Variants in TNNI3K observed in about 807,000 individuals in gnomAD.
TNNI3K encodes TNNI3 interacting kinase, also known as serine/threonine-protein kinase TNNI3K.
Under a neutral mutation model 114.5 loss-of-function variants are expected in TNNI3K, and 140 were observed. The ratio of observed to expected loss-of-function variants is 1.22; its 90% CI spans 1.07 to 1.41. The LOEUF (loss-of-function observed/expected upper bound fraction) is 1.41, where lower values mean the gene tolerates loss of function less well. Among genes scored for constraint, TNNI3K ranks in the 40% most tolerant of loss-of-function variants. TNNI3K has a pLI of 0.00. For missense variants in TNNI3K, 1,125 were observed against 1,007.6 expected (o/e 1.12, Z -1.58); for synonymous variants, 347 against 347.5 (o/e 1.00, Z 0.02).
chr1:74,428,273 G>A lies in TNNI3K; in HGVS notation c.1773-7807G>A, dbSNP rs1665728261. ...GATCTGTGTATTGCTATTCCTGGATGAGTATTGGGAGCTATTGAATGGTCA... is the reference window on the plus strand; with the variant it reads ...GATCTGTGTATTGCTATTCCTGGATAAGTATTGGGAGCTATTGAATGGTCA... On this transcript the variant is annotated intron_variant, in intron 17 of 24. Coordinates refer to ENST00000326637, the MANE Select transcript of TNNI3K (RefSeq NM_015978.3). Among the ~76,000 whole-genome samples, 3 of 152,064 alleles carry A rather than the reference G, an allele frequency of 2.0e-5. No homozygotes were observed. In the South Asian group the frequency reaches 6.2e-4, roughly 32 times the overall value.
intron 23 of TNNI3K, among the ~76,000 whole-genome samples, chr1:74,501,443 A>T (rs894333759): frequency 6.6e-6 from 1 of 151,982 alleles, no homozygotes. Context: ...AGACCAACCA[A>T]AACTTCAACT....
intron 7 of TNNI3K, among the ~76,000 whole-genome samples, chr1:74,338,829 A>G (rs191013287): frequency 2.0e-5 from 3 of 152,100 alleles, no homozygotes; most frequent in Non-Finnish European, 2.9e-5. Flanking sequence ...GTATGCAGTA[A>G]CTCAGGCAGC....
At chr1:74,400,085 A>G (rs1361075284) in intron 17 of TNNI3K, among the ~76,000 whole-genome samples, 1 of 152,236 alleles carries the variant, frequency 6.6e-6, no homozygotes, top group Non-Finnish European at 1.5e-5. Context: ...ATACATTTGT[A>G]TAAGGGCCCT....
intron 4 of TNNI3K, among the ~76,000 whole-genome samples, chr1:74,261,720 G>T (rs1306695983): frequency 6.6e-6 from 1 of 152,068 alleles, no homozygotes; most frequent in Non-Finnish European, 1.5e-5. Flanking sequence ...AAGCCACTTA[G>T]TGAAATTTCT....
chr1:74,379,016 T>C (rs1663064391), intron 17 of TNNI3K, among the ~76,000 whole-genome samples: 1 of 152,066 alleles, frequency 6.6e-6, no homozygotes, highest in African/African-American at 2.4e-5. Flanking sequence ...TATGAACTAA[T>C]AGCAGTAATT....
At chr1:74,473,864 A>T (rs972211746) in intron 21 of TNNI3K, among the ~76,000 whole-genome samples, 2 of 152,104 alleles carry the variant, frequency 1.3e-5, no homozygotes, top group South Asian at 4.1e-4. Context: ...AACATTAAGA[A>T]CTATTAGTCT....
At chr1:74,481,925 G>T (rs1422419534) in intron 21 of TNNI3K, among the ~76,000 whole-genome samples, 4 of 152,078 alleles carry the variant, frequency 2.6e-5, no homozygotes, top group Non-Finnish European at 5.9e-5. Flanking sequence ...AGGAAATTCA[G>T]ACTGCATCGC....
chr1:74,464,903 G>C (rs919639790), intron 21 of TNNI3K: 1 of 1,293,446 alleles, frequency 7.7e-7, no homozygotes, highest in Non-Finnish European at 9.8e-7. Context: ...AATGTTTGTT[G>C]AGTAAATGAA....
intron 17 of TNNI3K, among the ~76,000 whole-genome samples, chr1:74,391,808 A>G (rs576795376): frequency 5.6e-4 from 86 of 152,262 alleles, no homozygotes; most frequent in African/African-American, 2.0e-3. Flanking sequence ...GGGAAAAAGG[A>G]AAGCCAGCAG....
At chr1:74,479,868 T>A (rs1668392018) in intron 21 of TNNI3K, among the ~76,000 whole-genome samples, 1 of 152,240 alleles carries the variant, frequency 6.6e-6, no homozygotes, top group African/African-American at 2.4e-5. Context: ...GAAACTAAAG[T>A]CTAAATAGCA....
chr1:74,509,146 TAGC>T (rs1471621255), intron 23 of TNNI3K, among the ~76,000 whole-genome samples: 2 of 152,224 alleles, frequency 1.3e-5, no homozygotes, highest in African/African-American at 4.8e-5. Flanking sequence ...CCTCATTAAA[TAGC>T]AGCTTTACCC....
At chr1:74,450,692 A>G (rs555524943) in intron 20 of TNNI3K, among the ~76,000 whole-genome samples, 16 of 152,308 alleles carry the variant, frequency 1.1e-4, no homozygotes, top group East Asian at 1.9e-4. Context: ...CAAAACCACA[A>G]TGAGACACCA....
intron 21 of TNNI3K, chr1:74,475,958 T>C (rs1201524378): frequency 2.2e-6 from 1 of 445,628 alleles, no homozygotes; most frequent in Non-Finnish European, 4.0e-6. Flanking sequence ...AAAATATCAG[T>C]CCAGACAGAG....
At chr1:74,388,863 A>G (rs970819804) in intron 17 of TNNI3K, among the ~76,000 whole-genome samples, 1 of 152,160 alleles carries the variant, frequency 6.6e-6, no homozygotes, top group African/African-American at 2.4e-5. Context: ...CCAGGTTTCA[A>G]ATTAGGCAAT....
At chr1:74,394,955 A>G (rs1354026932) in intron 17 of TNNI3K, among the ~76,000 whole-genome samples, 1 of 152,050 alleles carries the variant, frequency 6.6e-6, no homozygotes, top group Non-Finnish European at 1.5e-5. Flanking sequence ...GAGGCAGGAG[A>G]ATAGCGTGAA....
intron 5 of TNNI3K, among the ~76,000 whole-genome samples, chr1:74,297,525 G>A (rs901219779): frequency 8.9e-5 from 13 of 145,886 alleles, no homozygotes; most frequent in Middle Eastern, 3.5e-3. Flanking sequence ...GTGTGTGCGT[G>A]TGTGTGTGTG....
chr1:74,532,595 A>C (rs994823741), intron 23 of TNNI3K, among the ~76,000 whole-genome samples: 3 of 151,870 alleles, frequency 2.0e-5, no homozygotes, highest in Admixed American at 6.6e-5. Context: ...ATTTAGCATT[A>C]GGTATATCTC....
At chr1:74,296,394 T>A (rs886784921) in intron 5 of TNNI3K, among the ~76,000 whole-genome samples, 1 of 152,232 alleles carries the variant, frequency 6.6e-6, no homozygotes, top group African/African-American at 2.4e-5. Context: ...TCTTTTATTC[T>A]ATTTTTGTCA....
rs550179069 is a variant in TNNI3K, at chr1:74,439,677, A to T, written c.2011+55A>T. On this transcript the variant is annotated intron_variant, in intron 20 of 24. Coordinates refer to ENST00000326637, the MANE Select transcript of TNNI3K (RefSeq NM_015978.3). ...GTTTTACAGAGTTCACTGGATTTTTATAACTTCAAGAAAATTTTTTTTCAC... is the reference window on the plus strand; with the variant it reads ...GTTTTACAGAGTTCACTGGATTTTTTTAACTTCAAGAAAATTTTTTTTCAC... The T allele has an allele frequency of 6.3e-6, 10 of 1,591,910 alleles. No homozygotes were observed. In the South Asian group the frequency reaches 1.0e-4, roughly 16 times the overall value.
Sources: allele counts gnomAD v4.1 joint callset (sites outside exome capture counted in the v4.1 genomes callset), GRCh38; gene constraint gnomAD v4.1.1; transcripts MANE v1.5; gene names NCBI Gene and HGNC (gene_info 2026-07-23, HGNC 2026-07-21).